Variants in DGKH observed in about 807,000 individuals in gnomAD.
DGKH encodes diacylglycerol kinase eta.
A neutral mutation model predicts 159.3 loss-of-function variants in DGKH; 90 were observed. The ratio of observed to expected loss-of-function variants is 0.57; its 90% CI spans 0.48 to 0.67. The LOEUF is 0.67. DGKH is among the 30% of genes least tolerant of loss of function. The pLI, the probability that DGKH is intolerant of heterozygous loss-of-function variation, is 0.00. For missense variants in DGKH, 1,181 were observed against 1,506.1 expected (o/e 0.78, Z 3.57); for synonymous variants, 536 against 553.8 (o/e 0.97, Z 0.45).
chr13:42,111,311 T>C (rs1018375210), intron 1 of DGKH, among the ~76,000 whole-genome samples: 1 of 152,224 alleles, frequency 6.6e-6, no homozygotes, highest in Non-Finnish European at 1.5e-5. Flanking sequence ...CCAGGCACAG[T>C]GGCTCATGCC....
chr13:42,041,648 A>G (rs1279197323), intron 1 of DGKH, among the ~76,000 whole-genome samples: 2 of 152,140 alleles, frequency 1.3e-5, no homozygotes, highest in African/African-American at 4.8e-5. Context: ...CTTCCGATTC[A>G]AACAGAACCG....
intron 1 of DGKH, among the ~76,000 whole-genome samples, chr13:42,116,265 G>A (rs1954966916): frequency 6.6e-6 from 1 of 152,078 alleles, no homozygotes; most frequent in Non-Finnish European, 1.5e-5. Flanking sequence ...AAATGAATAA[G>A]GAAATATATA....
Position 42,166,615 on chromosome 13 carries a change from T to G in DGKH, c.1059T>G (p.Phe353Leu). The change falls in exon 9 of 30, where the codon TTT becomes TTG. Residue 353 changes from phenylalanine (F) to leucine (L), a missense_variant. Physicochemically the swap from Phe to Leu is conservative, Grantham distance 22. This residue lies in a region of DGKH where 369 missense variants were observed against 519.4 expected (regional missense o/e 0.71). Coordinates refer to ENST00000337343, the MANE Select transcript of DGKH (RefSeq NM_178009.5). The part of the protein sequence containing the change: ...DNQGVKFLRR[F>L]KQLLNPAQVF... ...AGGGAGTAAAGTTCCTCCGTCGCTT[T>G]AAACAGTTGCTAAATCCGGCTCAGG... 6.2e-7 allele frequency: 1 copy of G among 1,609,150 alleles called. No individual in the cohort carries two copies. Among genetic ancestry groups the G allele is most frequent in the South Asian group, 1.1e-5 (1 of 89,856 alleles).
At position 42,168,830 on chromosome 13, in the gene DGKH, T is replaced by A. The variant is rs9562383; in HGVS notation, c.1367+12T>A. 0.025 allele frequency: 40,201 copies of A among 1,604,060 alleles called. 1,154 individuals carry two copies. The highest frequency in any genetic ancestry group is 0.098 in the East Asian group (4,374 of 44,766). The stretch of plus-strand genomic sequence containing the variant: ...AAAATGTTGGACAGGTAAAAGTAAA[T>A]TCTTTTCTACAACTAGATGGAAAAT... On this transcript the variant is annotated intron_variant, in intron 11 of 29. Coordinates refer to ENST00000337343, the MANE Select transcript of DGKH (RefSeq NM_178009.5).
At chr13:42,073,565 C>T (rs1883113345) in intron 1 of DGKH, among the ~76,000 whole-genome samples, 1 of 152,108 alleles carries the variant, frequency 6.6e-6, no homozygotes, top group African/African-American at 2.4e-5. Context: ...ATGATTTTGT[C>T]CAACTGTAGA....
At chr13:42,142,114 G>A (rs929252575) in intron 3 of DGKH, among the ~76,000 whole-genome samples, 16 of 151,808 alleles carry the variant, frequency 1.1e-4, no homozygotes, top group Non-Finnish European at 1.8e-4. Context: ...TTCTACATAT[G>A]GCTAGCCAGT....
intron 2 of DGKH, 22 bp from the exon 3 acceptor site, chr13:42,129,530 G>T (rs373443895): frequency 1.8e-5 from 29 of 1,588,068 alleles, no homozygotes; most frequent in Non-Finnish European, 2.5e-5. Context: ...TAATGTCTTT[G>T]TATGTTTTTT....
intron 1 of DGKH, among the ~76,000 whole-genome samples, chr13:42,078,769 A>G (rs539675690): frequency 5.1e-4 from 78 of 152,328 alleles, no homozygotes; most frequent in Non-Finnish European, 9.6e-4. Flanking sequence ...TTCTATGCAT[A>G]TAGACAGATA....
At chr13:42,137,053 C>T (rs1037661458) in intron 3 of DGKH, among the ~76,000 whole-genome samples, 7 of 152,228 alleles carry the variant, frequency 4.6e-5, no homozygotes, top group Non-Finnish European at 8.8e-5. Flanking sequence ...TTAAGAATTC[C>T]TTTAATGTTT....
At chr13:42,244,172 T>C (rs1214819377), downstream of DGKH, among the ~76,000 whole-genome samples, 2 of 152,106 alleles carry the variant, frequency 1.3e-5, no homozygotes, top group Non-Finnish European at 2.9e-5. Context: ...ATACATCATG[T>C]TGGAGAGAGG....
At chr13:42,080,237 A>C (rs1220490106) in intron 1 of DGKH, among the ~76,000 whole-genome samples, 1 of 152,152 alleles carries the variant, frequency 6.6e-6, no homozygotes, top group Non-Finnish European at 1.5e-5. Context: ...CAGAATAGTT[A>C]ATGTTTGTTA....
At chr13:42,150,220 T>TA (rs143361150) in intron 3 of DGKH, among the ~76,000 whole-genome samples, 7,711 of 152,308 alleles carry the variant, frequency 0.051, 410 homozygotes, top group African/African-American at 0.13. Flanking sequence ...TTAACCTTTT[T>TA]ATTTCTGTTG....
At chr13:42,118,966 C>G (rs1043932019) in intron 1 of DGKH, among the ~76,000 whole-genome samples, 4 of 152,138 alleles carry the variant, frequency 2.6e-5, no homozygotes, top group Non-Finnish European at 5.9e-5. Flanking sequence ...ACTTTTCTTC[C>G]CCATTGCCTT....
chr13:42,202,762 A>T (rs1052963881), intron 20 of DGKH, among the ~76,000 whole-genome samples: 1 of 152,220 alleles, frequency 6.6e-6, no homozygotes, highest in South Asian at 2.1e-4. Context: ...TCACAGTATC[A>T]TATTTTGCTA....
chr13:42,203,473 C>G (rs1957393673), intron 20 of DGKH, among the ~76,000 whole-genome samples: 1 of 152,182 alleles, frequency 6.6e-6, no homozygotes, highest in South Asian at 2.1e-4. Flanking sequence ...GCCCATTTTA[C>G]AGATGAGCAA....
At chr13:42,218,709 A>T (rs1264525383) in intron 26 of DGKH, among the ~76,000 whole-genome samples, 1 of 151,936 alleles carries the variant, frequency 6.6e-6, no homozygotes, top group Non-Finnish European at 1.5e-5. Context: ...GGGTTTCATC[A>T]TGTTGGCCAG....
chr13:42,190,553 G>T (rs1320261618), intron 16 of DGKH, 28 bp downstream of exon 16: 1 of 1,550,866 alleles, frequency 6.4e-7, no homozygotes, highest in Non-Finnish European at 8.7e-7. Flanking sequence ...AAATTATTTT[G>T]GAATTAAATA....
intron 13 of DGKH, among the ~76,000 whole-genome samples, chr13:42,180,325 CCAAA>C (rs796997043): frequency 6.8e-4 from 104 of 152,318 alleles, no homozygotes; most frequent in African/African-American, 2.3e-3. Flanking sequence ...GCACTGCCCA[CCAAA>C]CAAAGAGAGT....
At chr13:42,128,414 C>G (rs901055332) in intron 2 of DGKH, among the ~76,000 whole-genome samples, 1 of 152,000 alleles carries the variant, frequency 6.6e-6, no homozygotes, top group East Asian at 1.9e-4. Context: ...GAAGTAATAA[C>G]CATGTAAAAT....
Sources: gnomAD v4.1 joint callset for allele counts (sites outside exome capture counted in the v4.1 genomes callset) on GRCh38, gnomAD v4.1.1 for gene constraint, gnomAD v4.1.1 regional missense constraint, MANE v1.5 for transcripts, NCBI Gene and HGNC (gene_info 2026-07-23, HGNC 2026-07-21) for gene names.